SLC4A4: variants seen among roughly 807,000 people sequenced by gnomAD.
The protein encoded by SLC4A4 is solute carrier family 4 member 4, also known as electrogenic sodium bicarbonate cotransporter 1.
In SLC4A4, 27 loss-of-function variants were observed where a neutral mutation model predicts 111.5. That is an observed-to-expected ratio of 0.24 (90% CI 0.18 to 0.33). The LOEUF (loss-of-function observed/expected upper bound fraction) is 0.33. Among genes scored for constraint, SLC4A4 ranks in the 10% least tolerant of loss-of-function variants. The pLI is 1.00. For synonymous variants in SLC4A4, 443 were observed against 463.4 expected (o/e 0.96, Z 0.57); for missense variants, 909 against 1,315.5 (o/e 0.69, Z 4.78).
intron 1 of SLC4A4, among the ~76,000 whole-genome samples, chr4:71,092,697 T>A (rs1742420668): frequency 6.6e-6 from 1 of 152,250 alleles, no homozygotes; most frequent in Admixed American, 6.5e-5. Flanking sequence ...TTATTTGAGA[T>A]ACATCAAGTA....
intron 7 of SLC4A4, among the ~76,000 whole-genome samples, chr4:71,435,882 G>A (rs537778375): frequency 3.9e-5 from 6 of 152,292 alleles, no homozygotes; most frequent in South Asian, 2.1e-4. Flanking sequence ...CAGTTAGAAT[G>A]GCGATCATTA....
intron 1 of SLC4A4, among the ~76,000 whole-genome samples, chr4:71,074,352 ATT>A (rs1741752422): frequency 1.3e-5 from 2 of 152,120 alleles, no homozygotes; most frequent in African/African-American, 4.8e-5. Flanking sequence ...TTAAAGAAAA[ATT>A]TTTCATCTGT....
At chr4:71,171,164 T>TTTTG (rs1744924008) in intron 2 of SLC4A4, among the ~76,000 whole-genome samples, 2 of 149,052 alleles carry the variant, frequency 1.3e-5, no homozygotes, top group African/African-American at 2.5e-5. Flanking sequence ...GTTTTGTTTT[T>TTTTG]TTTTTTTTTT....
intron 2 of SLC4A4, among the ~76,000 whole-genome samples, chr4:71,128,557 C>T (rs747180365): frequency 5.3e-5 from 8 of 152,104 alleles, no homozygotes; most frequent in South Asian, 2.1e-4. Flanking sequence ...GGCATGATCT[C>T]GGCTCACTGC....
intron 2 of SLC4A4, among the ~76,000 whole-genome samples, chr4:71,142,063 T>C (rs530864575): frequency 1.2e-4 from 19 of 152,160 alleles, no homozygotes; most frequent in Non-Finnish European, 2.6e-4. Flanking sequence ...TTTTTGTGTA[T>C]GTGTGTGTGT....
chr4:71,258,216 C>G (rs1407137805), intron 3 of SLC4A4, among the ~76,000 whole-genome samples: 1 of 152,222 alleles, frequency 6.6e-6, no homozygotes, highest in Non-Finnish European at 1.5e-5. Flanking sequence ...GGTGCTAAAA[C>G]CTTTTCTGCC....
At position 71,555,158 on chromosome 4, in the gene SLC4A4, C is replaced by T. The variant is rs1206808374; in HGVS notation, c.2713C>T (p.Leu905Phe). 1 of 1,609,506 alleles carries T rather than the reference C, an allele frequency of 6.2e-7. No individual in the cohort carries two copies. The highest frequency in any genetic ancestry group is 1.7e-5 in the Admixed American group (1 of 59,850). ...PILKFIPMPV[L>F]YGVFLYMGVA... ...CTTCTAGTTTATACCCATGCCTGTA[C>T]TCTATGGTGTGTTCCTGTATATGGG... The change falls in exon 21 of 26, where the codon CTC becomes TTC. Residue 905 changes from leucine to phenylalanine, a missense_variant. Leu to Phe is a conservative substitution (Grantham distance 22). Around this residue, in one of 7 missense-constraint regions of SLC4A4, gnomAD observed 104 missense variants for 219.5 expected, o/e 0.47. Transcript: ENST00000264485.
chr4:71,162,989 C>A (rs1744650105), intron 2 of SLC4A4, among the ~76,000 whole-genome samples: 1 of 152,156 alleles, frequency 6.6e-6, no homozygotes. Flanking sequence ...ATCTTTGACA[C>A]AGACTGGGGG....
intron 2 of SLC4A4, among the ~76,000 whole-genome samples, chr4:71,097,624 A>G (rs2148944267): frequency 6.6e-6 from 1 of 152,276 alleles, no homozygotes; most frequent in South Asian, 2.1e-4. Context: ...TGGTTGAACT[A>G]ATTTACACTC....
intron 3 of SLC4A4, among the ~76,000 whole-genome samples, chr4:71,273,575 C>T (rs969549576): frequency 1.3e-5 from 2 of 152,088 alleles, no homozygotes; most frequent in Non-Finnish European, 2.9e-5. Flanking sequence ...GATACGTTTC[C>T]TCACAAGGTA....
At chr4:71,242,401 C>A (rs919729024) in intron 2 of SLC4A4, among the ~76,000 whole-genome samples, 5 of 152,158 alleles carry the variant, frequency 3.3e-5, no homozygotes, top group African/African-American at 1.2e-4. Flanking sequence ...AGCAGAGGCA[C>A]TAAGTATCAG....
At chr4:71,313,509 C>T (rs1726388996) in intron 3 of SLC4A4, among the ~76,000 whole-genome samples, 1 of 152,176 alleles carries the variant, frequency 6.6e-6, no homozygotes, top group African/African-American at 2.4e-5. Flanking sequence ...AGGCATCATG[C>T]TACCTGACTT....
At chr4:71,333,643 A>G (rs948320106) in intron 3 of SLC4A4, among the ~76,000 whole-genome samples, 5 of 152,242 alleles carry the variant, frequency 3.3e-5, no homozygotes, top group Non-Finnish European at 7.3e-5. Context: ...GGGCAGGTAC[A>G]GAAATGCCAT....
rs1169489768 is a variant in SLC4A4 at position 71,451,292 on chromosome 4, G to T, written c.1313G>T (p.Arg438Leu). The T allele has an allele frequency of 6.2e-7, 1 of 1,602,116 alleles. No individual in the cohort carries two copies. The highest frequency in any genetic ancestry group is 8.6e-7 in the Non-Finnish European group (1 of 1,169,204). The change falls in exon 11 of 26, where the codon CGA becomes CTA. Residue 438 changes from arginine to leucine, a missense_variant. Physicochemically the swap from Arg to Leu is moderately radical, Grantham distance 102. Coordinates refer to ENST00000264485, the MANE Select transcript of SLC4A4 (RefSeq NM_001098484.3). ...GGHGDCEELQ[R>L]TGRFCGGLIK... is the part of the protein sequence containing the mutation. ...CATGGGGATTGTGAAGAATTGCAGC[G>T]AACTGGACGGTAACTGACAGTTTCC...
Position 71,397,573 on chromosome 4 carries a change from C to T in SLC4A4, c.731-4C>T, listed in dbSNP as rs745796859. 1 of 1,613,468 alleles carries T rather than the reference C, an allele frequency of 6.2e-7. No homozygotes were observed. The highest frequency in any genetic ancestry group is 1.3e-5 in the African/African-American group (1 of 74,994). On this transcript the variant is annotated splice_polypyrimidine_tract_variant and splice_region_variant and intron_variant, in intron 6 of 25. Transcript: ENST00000264485. ...TTAATTAGAGTTTACTTGTGTTTTT[C>T]CAGGTAGCCCAGCCATGACCCATAG...
chr4:71,436,748 A>C (rs112775870), intron 7 of SLC4A4, among the ~76,000 whole-genome samples: 11 of 152,332 alleles, frequency 7.2e-5, no homozygotes, highest in African/African-American at 2.6e-4. Flanking sequence ...ATTAATTCTC[A>C]ACAAATATTC....
chr4:71,399,314 T>C (rs1431398050), intron 7 of SLC4A4, among the ~76,000 whole-genome samples: 5 of 152,138 alleles, frequency 3.3e-5, no homozygotes, highest in African/African-American at 1.2e-4. Context: ...CAAGAAGCCA[T>C]ATTCATGATG....
chr4:71,251,791 C>CT (rs1721088738), intron 2 of SLC4A4, among the ~76,000 whole-genome samples: 1 of 152,142 alleles, frequency 6.6e-6, no homozygotes, highest in Admixed American at 6.6e-5. Flanking sequence ...TCCACTCCTC[C>CT]TTTTTACATT....
At chr4:71,140,568 G>A (rs1743967453) in intron 2 of SLC4A4, among the ~76,000 whole-genome samples, 1 of 152,020 alleles carries the variant, frequency 6.6e-6, no homozygotes, top group Non-Finnish European at 1.5e-5. Context: ...ACATTATTTT[G>A]ATTTTTCCTT....
Sources: allele counts gnomAD v4.1 joint callset (sites outside exome capture counted in the v4.1 genomes callset), GRCh38; gene constraint gnomAD v4.1.1; regional missense constraint gnomAD v4.1.1; transcripts MANE v1.5; gene names NCBI Gene and HGNC (gene_info 2026-07-23, HGNC 2026-07-21).